The following SHB variants were observed in gnomAD, a reference collection of about 807,000 sequenced individuals.
The protein encoded by SHB is SH2 domain containing adaptor protein B.
SHB carries 20 observed loss-of-function variants against 52.3 expected under a neutral mutation model. The ratio of observed to expected loss-of-function variants is 0.38; its 90% CI spans 0.27 to 0.56. The LOEUF is 0.56. Ranked by LOEUF, SHB falls within the 20% of genes least tolerant of loss-of-function variation. SHB has a pLI of 0.71. For synonymous variants in SHB, 397 were observed against 316.5 expected (o/e 1.25, Z -2.70); for missense variants, 825 against 723.3 (o/e 1.14, Z -1.61).
chr9:37,918,009 CCTT>C lies in SHB; in HGVS notation c.*1809_*1811del, dbSNP rs1300587060. Among the ~76,000 whole-genome samples the C allele has an allele frequency of 6.6e-6, 1 of 152,226 alleles. No individual in the cohort carries two copies. Among genetic ancestry groups the C allele is most frequent in the Non-Finnish European group, 1.5e-5 (1 of 68,046 alleles). On this transcript the variant is annotated 3_prime_UTR_variant, in exon 6 of 6. Coordinates refer to ENST00000377707, the MANE Select transcript of SHB (RefSeq NM_003028.3). ...TCGACACGTGGCCTTGGCGAGTCCT[CCTT>C]CTCCGGGCCTGTGTCTCTGCATGTG...
chr9:38,023,754 C>T lies in SHB; in HGVS notation c.718-7623G>A, dbSNP rs534273972. 2.2e-4 allele frequency among the ~76,000 whole-genome samples: 33 copies of T among 152,288 alleles called. No homozygotes were observed. In the East Asian group the frequency reaches 2.3e-3, roughly 11 times the overall value. On this transcript the variant is annotated intron_variant, in intron 1 of 5. Coordinates refer to ENST00000377707, the MANE Select transcript of SHB (RefSeq NM_003028.3). ...CCTCTCATAACTCTCGAGGCACTTCCGCCTGTGTGCTGGGAGACAGAAGTG... is the reference window on the plus strand; with the variant it reads ...CCTCTCATAACTCTCGAGGCACTTCTGCCTGTGTGCTGGGAGACAGAAGTG...
chr9:38,004,542 G>T (rs1821057142), intron 2 of SHB, among the ~76,000 whole-genome samples: 1 of 152,222 alleles, frequency 6.6e-6, no homozygotes, highest in South Asian at 2.1e-4. Flanking sequence ...GCTGAAGGCA[G>T]GCATGATGAA....
intron 2 of SHB, among the ~76,000 whole-genome samples, chr9:38,006,836 C>T (rs1382986931): frequency 1.3e-5 from 2 of 152,210 alleles, no homozygotes; most frequent in Non-Finnish European, 2.9e-5. Context: ...ACCTGCCAGC[C>T]ACTGGGCCAC....
intron 1 of SHB, among the ~76,000 whole-genome samples, chr9:38,036,918 G>A (rs558176205): frequency 6.6e-6 from 1 of 152,300 alleles, no homozygotes; most frequent in Admixed American, 6.5e-5. Context: ...TTAAGTTGCA[G>A]AGCCCTGACT....
rs1050105518 is a variant in SHB, at chr9:38,052,344, C to A, written c.717+15585G>T. 4.6e-5 allele frequency among the ~76,000 whole-genome samples: 7 copies of A among 152,208 alleles called. No individual in the cohort carries two copies. In the South Asian group the frequency reaches 1.4e-3, roughly 32 times the overall value. ...CTCCTCCGCCCAACTCTCCAACCAG[C>A]AGAGCCATTCCCGGCTCAGACTCCG... On this transcript the variant is annotated intron_variant, in intron 1 of 5. Transcript: ENST00000377707.
At chr9:37,972,852 G>C (rs1820607636) in intron 3 of SHB, among the ~76,000 whole-genome samples, 1 of 152,196 alleles carries the variant, frequency 6.6e-6, no homozygotes, top group African/African-American at 2.4e-5. Flanking sequence ...TTCGGGGTTA[G>C]AAAGGTAGAA....
chr9:37,934,783 T>C (rs776022), intron 5 of SHB, among the ~76,000 whole-genome samples: 43,806 of 152,144 alleles, frequency 0.29, 6,689 homozygotes, highest in Middle Eastern at 0.39. Flanking sequence ...GGTGGAGAAT[T>C]TTCTCAAAAT....
intron 5 of SHB, among the ~76,000 whole-genome samples, chr9:37,934,751 T>G (rs1429333810): frequency 6.6e-6 from 1 of 152,248 alleles, no homozygotes; most frequent in African/African-American, 2.4e-5. Context: ...TCTGGCAGCT[T>G]TTTGACAACC....
rs1479046798 is a variant in SHB, at chr9:37,999,668, C to T, written c.838+16343G>A. On this transcript the variant is annotated intron_variant, in intron 2 of 5. Transcript: ENST00000377707. ...AAGGCAGCCGAGGCAGCAGCCCAAC[C>T]ACCAGCAGCACGTGGGAGGCTTCTG... Among the ~76,000 whole-genome samples, 11 of 152,244 alleles carry T rather than the reference C, an allele frequency of 7.2e-5. No homozygotes were observed. In the Middle Eastern group the frequency reaches 0.017, roughly 235 times the overall value.
At chr9:38,064,388 G>A (rs542207022) in intron 1 of SHB, among the ~76,000 whole-genome samples, 1 of 152,090 alleles carries the variant, frequency 6.6e-6, no homozygotes, top group Non-Finnish European at 1.5e-5. Flanking sequence ...CCCCAAACAA[G>A]GCCCAGCTGC....
Position 37,946,852 on chromosome 9 carries a change from C to T in SHB, c.1346+1783G>A, listed in dbSNP as rs190330056. On this transcript the variant is annotated intron_variant, in intron 5 of 5. Coordinates refer to ENST00000377707, the MANE Select transcript of SHB (RefSeq NM_003028.3). ...AGTGATAACCCCCAATGACCAGCAC[C>T]CCAGAGGGTCCCTGGAGCACTGAGG... is the stretch of plus-strand genomic sequence containing the variant. Among the ~76,000 whole-genome samples, 500 of 152,288 alleles carry T rather than the reference C, an allele frequency of 3.3e-3. 2 individuals carry two copies. Among genetic ancestry groups the T allele is most frequent in the Non-Finnish European group, 3.6e-3 (247 of 68,006 alleles).
intron 5 of SHB, among the ~76,000 whole-genome samples, chr9:37,943,824 C>A (rs1050648330): frequency 3.3e-5 from 5 of 152,238 alleles, no homozygotes; most frequent in Non-Finnish European, 5.9e-5. Context: ...GTCCTTCCCT[C>A]ATCTTGTCCA....
rs915051258 is a variant in SHB, at chr9:37,923,884, C to T, written c.1347-3880G>A. ...CAGGCTGCAGGTGAACCCAGAGCCCCGGCCCCGCATCCCGAGCCAGCTGAG... is the reference window on the plus strand; with the variant it reads ...CAGGCTGCAGGTGAACCCAGAGCCCTGGCCCCGCATCCCGAGCCAGCTGAG... On this transcript the variant is annotated intron_variant, in intron 5 of 5. Transcript: ENST00000377707. Among the ~76,000 whole-genome samples, 14 of 152,318 alleles carry T rather than the reference C, an allele frequency of 9.2e-5. No homozygotes were observed. In the South Asian group the frequency reaches 2.3e-3, roughly 25 times the overall value.
chr9:37,947,147 G>A (rs566313270), intron 5 of SHB, among the ~76,000 whole-genome samples: 1 of 152,178 alleles, frequency 6.6e-6, no homozygotes, highest in Non-Finnish European at 1.5e-5. Context: ...CAGCCATCAG[G>A]TCTGATGGCA....
chr9:38,030,087 C>T (rs1821394715), intron 1 of SHB, among the ~76,000 whole-genome samples: 1 of 152,192 alleles, frequency 6.6e-6, no homozygotes, highest in African/African-American at 2.4e-5. Flanking sequence ...CCCTAAACCA[C>T]AAAGTCCAGT....
chr9:38,062,077 G>A (rs535957898), intron 1 of SHB, among the ~76,000 whole-genome samples: 1 of 152,358 alleles, frequency 6.6e-6, no homozygotes, highest in Non-Finnish European at 1.5e-5. Flanking sequence ...AATTACAGCA[G>A]AGGGATGCAA....
At chr9:38,045,948 A>C (rs1587262061) in intron 1 of SHB, among the ~76,000 whole-genome samples, 1 of 152,150 alleles carries the variant, frequency 6.6e-6, no homozygotes, top group South Asian at 2.1e-4. Flanking sequence ...AAGAGGCACC[A>C]GGCACAGGTG....
At chr9:37,970,510 C>T (rs1304434715) in intron 3 of SHB, among the ~76,000 whole-genome samples, 1 of 152,122 alleles carries the variant, frequency 6.6e-6, no homozygotes, top group Non-Finnish European at 1.5e-5. Flanking sequence ...TGAGGCAGTG[C>T]CTGAGAGGTG....
chr9:37,946,132 C>A (rs975717458), intron 5 of SHB, among the ~76,000 whole-genome samples: 1 of 152,214 alleles, frequency 6.6e-6, no homozygotes, highest in Non-Finnish European at 1.5e-5. Flanking sequence ...GACACTGAGG[C>A]CCCTATGGCG....
Sources: allele counts gnomAD v4.1 joint callset (sites outside exome capture counted in the v4.1 genomes callset), GRCh38; gene constraint gnomAD v4.1.1; transcripts MANE v1.5; gene names NCBI Gene and HGNC (gene_info 2026-07-23, HGNC 2026-07-21).